POLA1: variants seen among roughly 807,000 people sequenced by gnomAD.
POLA1 encodes the protein DNA polymerase alpha catalytic subunit.
Under a neutral mutation model 124.0 loss-of-function variants are expected in POLA1, and 15 were observed. The observed-to-expected ratio is 0.12, with a 90% CI of 0.08 to 0.19. The LOEUF (loss-of-function observed/expected upper bound fraction) is 0.19, where lower values mean the gene tolerates loss of function less well. Ranked by LOEUF, POLA1 falls within the 10% of genes least tolerant of loss-of-function variation. The pLI, the probability that POLA1 is intolerant of heterozygous loss-of-function variation, is 1.00. For missense variants in POLA1, 886 were observed against 1,103.4 expected, an observed-to-expected ratio of 0.80 and a Z score of 2.79; for synonymous variants, 408 against 389.4, an observed-to-expected ratio of 1.05 and a Z score of -0.56.
intron 35 of POLA1, among the ~76,000 whole-genome samples, chrX:24,893,633 T>C (rs902794325): frequency 1.8e-5 from 2 of 112,075 alleles, no homozygotes; most frequent in Non-Finnish European, 3.8e-5. Flanking sequence ...TTTCTGTAAA[T>C]GAAATTATAC....
intron 2 of POLA1, among the ~76,000 whole-genome samples, chrX:24,700,085 A>G (rs1182799103): frequency 9.5e-6 from 1 of 105,116 alleles, no homozygotes; most frequent in Non-Finnish European, 2.0e-5. Flanking sequence ...AGTGGCCACC[A>G]TCTGCATAAA....
intron 34 of POLA1, among the ~76,000 whole-genome samples, chrX:24,850,373 T>TCATG (rs1249101872): frequency 8.9e-6 from 1 of 112,460 alleles, no homozygotes; most frequent in African/African-American, 3.2e-5. Flanking sequence ...AAGCAGCTTA[T>TCATG]CATGGTATAT....
chrX:24,748,736 T>G, intron 25 of POLA1, 134 bp from the exon 26 acceptor site: 1 of 672,039 alleles, frequency 1.5e-6, no homozygotes, highest in Non-Finnish European at 2.2e-6. Context: ...GAGAATGGGT[T>G]GAGTATATTA....
At chrX:24,821,068 A>G (rs375236633) in intron 30 of POLA1, among the ~76,000 whole-genome samples, 1 of 112,004 alleles carries the variant, frequency 8.9e-6, no homozygotes, top group East Asian at 2.8e-4. Context: ...CCTTTGAGAA[A>G]CAATCATTAA....
chrX:24,706,826 ATTT>A (rs1283757641), intron 4 of POLA1, among the ~76,000 whole-genome samples: 1 of 112,230 alleles, frequency 8.9e-6, no homozygotes, highest in Non-Finnish European at 1.9e-5. Context: ...ATGTAGGTTC[ATTT>A]TTTGTTTGTA....
intron 26 of POLA1, among the ~76,000 whole-genome samples, chrX:24,807,990 A>G (rs5944680): frequency 0.19 from 21,736 of 111,635 alleles, 1,742 homozygotes; most frequent in South Asian, 0.36. Context: ...AACAGGCCAT[A>G]CAAGTGGAAC....
chrX:24,909,185 G>T (rs753185403), intron 35 of POLA1, among the ~76,000 whole-genome samples: 58 of 111,393 alleles, frequency 5.2e-4, no homozygotes, highest in Non-Finnish European at 8.7e-4. Flanking sequence ...TTCTGTAGGT[G>T]GCCTGTTTGC....
At chrX:24,734,739 CTGAG>C (rs1380160280) in intron 17 of POLA1, among the ~76,000 whole-genome samples, 1 of 111,213 alleles carries the variant, frequency 9.0e-6, no homozygotes, top group Non-Finnish European at 1.9e-5. Flanking sequence ...CCTCAGCCTC[CTGAG>C]TATCTGGGAT....
intron 32 of POLA1, among the ~76,000 whole-genome samples, chrX:24,829,675 T>A (rs1237150586): frequency 9.0e-6 from 1 of 111,690 alleles, no homozygotes; most frequent in African/African-American, 3.3e-5. Flanking sequence ...AATAAAAAAT[T>A]AGGGTGGCTA....
At chrX:24,832,588 T>G (rs1289973572) in intron 32 of POLA1, among the ~76,000 whole-genome samples, 2 of 112,242 alleles carry the variant, frequency 1.8e-5, no homozygotes, top group Admixed American at 9.4e-5. Context: ...TTATTTAAAT[T>G]AGATCAATTT....
intron 26 of POLA1, among the ~76,000 whole-genome samples, chrX:24,783,748 C>T (rs2148456245): frequency 8.9e-6 from 1 of 111,997 alleles, no homozygotes; most frequent in South Asian, 3.7e-4. Flanking sequence ...CCTTACATTA[C>T]TTGTGCAGAT....
intron 35 of POLA1, among the ~76,000 whole-genome samples, chrX:24,920,340 C>G (rs2047598963): frequency 9.0e-6 from 1 of 111,530 alleles, no homozygotes; most frequent in Non-Finnish European, 1.9e-5. Flanking sequence ...GCCTTTGCCT[C>G]TAGCCCGCAG....
rs756870428 is a variant in POLA1 at position 24,995,889 on chromosome X, G to A, written c.4346G>A (p.Arg1449Gln). The A allele has an allele frequency of 8.3e-7, 1 of 1,209,841 alleles. No individual in the cohort carries two copies. The highest frequency in any genetic ancestry group is 1.1e-6 in the Non-Finnish European group (1 of 894,036). The change falls in exon 37 of 37, where the codon CGA becomes CAA. Residue 1449 changes from arginine to glutamine, a missense_variant. By Grantham distance (43) the Arg-to-Gln change is conservative. Transcript: ENST00000379068. ...AACACAGCAGAGCAATTCTTGTCCC[G>A]AAGTGGCTACTCCGAAGTGAATCTG... ...LKNTAEQFLSRSGYSEVNLSK... is the reference protein window; with the variant it reads ...LKNTAEQFLSQSGYSEVNLSK...
chrX:24,966,866 A>T (rs2048229613), intron 36 of POLA1, among the ~76,000 whole-genome samples: 2 of 112,674 alleles, frequency 1.8e-5, no homozygotes, highest in East Asian at 5.5e-4. Flanking sequence ...CTGTTGATTG[A>T]AAACAGTTTG....
At chrX:24,841,996 T>C (rs1266462676) in intron 33 of POLA1, 166 bp downstream of exon 33, 3 of 386,161 alleles carry the variant, frequency 7.8e-6, no homozygotes, top group East Asian at 9.0e-5. Flanking sequence ...AGCTTGCTTT[T>C]ATTTCTGTTT....
chrX:24,790,921 A>G (rs1602394245), intron 26 of POLA1, among the ~76,000 whole-genome samples: 1 of 100,492 alleles, frequency 1.0e-5, no homozygotes, highest in South Asian at 4.4e-4. Context: ...GTATATATAT[A>G]TATATATATA....
intron 26 of POLA1, among the ~76,000 whole-genome samples, chrX:24,796,660 T>C (rs1159512656): frequency 9.0e-6 from 1 of 111,618 alleles, no homozygotes; most frequent in Non-Finnish European, 1.9e-5. Flanking sequence ...TGTTATTGTC[T>C]GCATGCTGAT....
intron 36 of POLA1, among the ~76,000 whole-genome samples, chrX:24,959,029 A>G (rs1195472591): frequency 8.9e-6 from 1 of 111,775 alleles, no homozygotes; most frequent in African/African-American, 3.3e-5. Flanking sequence ...CCAGAAGTGA[A>G]GTCATTGTAT....
Position 24,801,970 on chromosome X carries a change from T to TGTGTGTGTGTGTGA in POLA1, c.2965-7927_2965-7926insTGTGTGTGTGTGAG, listed in dbSNP as rs1339175196. 1.0e-4 allele frequency among the ~76,000 whole-genome samples: 11 copies of TGTGTGTGTGTGTGA among 106,068 alleles called. No homozygotes were observed. The South Asian group carries it at 1.8e-3, about 17-fold the overall frequency. The allele number at this position is 106,068 out of a possible 115,157, so 92.1% of individuals were successfully genotyped here. ...GTGTGTGTGTGTGTGTGTGTGTGTGTGACATTTATTGTGGAGGCTGTCAAG... is the reference window on the plus strand; with the variant it reads ...GTGTGTGTGTGTGTGTGTGTGTGTGTGTGTGTGTGTGTGAGACATTTATTGTGGAGGCTGTCAAG... On this transcript the variant is annotated intron_variant, in intron 26 of 36. Transcript: ENST00000379068.
Sources: gnomAD v4.1 joint callset for allele counts (sites outside exome capture counted in the v4.1 genomes callset) on GRCh38, gnomAD v4.1.1 for gene constraint, MANE v1.5 for transcripts, NCBI Gene and HGNC (gene_info 2026-07-23, HGNC 2026-07-21) for gene names.